The following ROCK1 variants were observed in gnomAD, a reference collection of about 807,000 sequenced individuals.
ROCK1 encodes Rho associated coiled-coil containing protein kinase 1.
ROCK1 carries 36 observed loss-of-function variants against 196.8 expected under a neutral mutation model. That is an observed-to-expected ratio of 0.18 (90% CI 0.14 to 0.24). The LOEUF (loss-of-function observed/expected upper bound fraction) is 0.24, where lower values mean the gene tolerates loss of function less well. Ranked by LOEUF, ROCK1 falls within the 10% of genes least tolerant of loss-of-function variation. The pLI, the probability that ROCK1 is intolerant of heterozygous loss-of-function variation, is 1.00. For missense variants in ROCK1, 920 were observed against 1,562.0 expected, an observed-to-expected ratio of 0.59 and a Z score of 6.93; for synonymous variants, 443 against 515.9, an observed-to-expected ratio of 0.86 and a Z score of 1.91.
At chr18:20,973,489 G>C (rs1441568273) in intron 22 of ROCK1, among the ~76,000 whole-genome samples, 1 of 151,470 alleles carries the variant, frequency 6.6e-6, no homozygotes, top group Non-Finnish European at 1.5e-5. Flanking sequence ...TGTTAGCCAG[G>C]CTGGTAGCGA....
At chr18:21,038,531 A>ACC (rs1161442142) in intron 9 of ROCK1, among the ~76,000 whole-genome samples, 1 of 152,176 alleles carries the variant, frequency 6.6e-6, no homozygotes, top group African/African-American at 2.4e-5. Context: ...ATATTAGCAA[A>ACC]CCTACATGAT....
At chr18:20,980,098 C>A in intron 21 of ROCK1, 94 bp from the exon 22 acceptor site, 1 of 1,337,314 alleles carries the variant, frequency 7.5e-7, no homozygotes, top group Non-Finnish European at 9.8e-7. Context: ...ACATATGATC[C>A]AACAATTCCA....
chr18:21,105,774 T>C (rs1416837784), intron 1 of ROCK1, among the ~76,000 whole-genome samples: 1 of 152,158 alleles, frequency 6.6e-6, no homozygotes, highest in African/African-American at 2.4e-5. Context: ...GTCAGATATT[T>C]AAGGTTTGAA....
intron 10 of ROCK1, among the ~76,000 whole-genome samples, chr18:21,027,446 T>C (rs1292584838): frequency 2.6e-5 from 4 of 152,208 alleles, no homozygotes; most frequent in Non-Finnish European, 1.5e-5. Context: ...ATGTTAAATG[T>C]TTAACTTAAA....
At chr18:21,092,156 A>G (rs1338794094) in intron 1 of ROCK1, among the ~76,000 whole-genome samples, 1 of 152,194 alleles carries the variant, frequency 6.6e-6, no homozygotes, top group Non-Finnish European at 1.5e-5. Flanking sequence ...ATTACTAAAC[A>G]GCCAATCCCT....
intron 1 of ROCK1, among the ~76,000 whole-genome samples, chr18:21,105,099 G>T (rs774930436): frequency 1.3e-5 from 2 of 152,082 alleles, no homozygotes; most frequent in Non-Finnish European, 2.9e-5. Flanking sequence ...AATACCAAAT[G>T]CTATGATAGT....
intron 18 of ROCK1, among the ~76,000 whole-genome samples, chr18:20,990,693 CAAAAA>C (rs1170099682): frequency 4.4e-5 from 1 of 22,584 alleles, no homozygotes; most frequent in Non-Finnish European, 1.2e-4. Flanking sequence ...AACTTCGTCT[CAAAAA>C]AAAAAAAAAA....
chr18:20,960,411 T>C (rs2035315955), intron 27 of ROCK1, among the ~76,000 whole-genome samples: 3 of 152,110 alleles, frequency 2.0e-5, no homozygotes, highest in African/African-American at 7.2e-5. Flanking sequence ...AAGCCACTTT[T>C]CCCATACAAT....
intron 12 of ROCK1, among the ~76,000 whole-genome samples, chr18:21,017,185 T>TC (rs2035870200): frequency 7.0e-6 from 1 of 142,630 alleles, no homozygotes; most frequent in Non-Finnish European, 1.5e-5. Context: ...ATACCACACT[T>TC]CTTTTTTTTT....
intron 19 of ROCK1, among the ~76,000 whole-genome samples, chr18:20,985,269 A>G (rs980259243): frequency 6.6e-6 from 1 of 152,184 alleles, no homozygotes; most frequent in African/African-American, 2.4e-5. Context: ...GGACCAATGA[A>G]CTCAAAATTC....
At chr18:21,023,978 G>A (rs2035936070) in intron 10 of ROCK1, among the ~76,000 whole-genome samples, 1 of 152,140 alleles carries the variant, frequency 6.6e-6, no homozygotes, top group South Asian at 2.1e-4. Context: ...ATAGTCTCAA[G>A]TTAGTTCAGA....
chr18:20,978,523 A>G (rs2035501244), intron 22 of ROCK1, among the ~76,000 whole-genome samples: 1 of 152,212 alleles, frequency 6.6e-6, no homozygotes, highest in African/African-American at 2.4e-5. Context: ...CATCTGAGGA[A>G]CTAAGTTTTA....
chr18:21,004,481 G>C (rs1224422824), intron 16 of ROCK1, among the ~76,000 whole-genome samples: 1 of 152,120 alleles, frequency 6.6e-6, no homozygotes, highest in Non-Finnish European at 1.5e-5. Flanking sequence ...TCACGTTTAA[G>C]TTCCAAATTA....
At chr18:21,099,352 C>A (rs1209039640) in intron 1 of ROCK1, among the ~76,000 whole-genome samples, 4 of 151,482 alleles carry the variant, frequency 2.6e-5, no homozygotes, top group Non-Finnish European at 4.4e-5. Flanking sequence ...ACTGAAATGT[C>A]AAATCAAAAA....
intron 2 of ROCK1, among the ~76,000 whole-genome samples, chr18:21,054,027 T>G (rs1485711582): frequency 6.6e-6 from 1 of 152,190 alleles, no homozygotes; most frequent in Non-Finnish European, 1.5e-5. Context: ...GAGCATCACA[T>G]ATGGTCGCTG....
chr18:21,099,343 C>A (rs1290382639), intron 1 of ROCK1, among the ~76,000 whole-genome samples: 1 of 151,928 alleles, frequency 6.6e-6, no homozygotes, highest in Non-Finnish European at 1.5e-5. Context: ...AGAATAAACA[C>A]TGAAATGTCA....
chr18:21,024,556 T>G (rs1186978434), intron 10 of ROCK1, among the ~76,000 whole-genome samples: 1 of 152,158 alleles, frequency 6.6e-6, no homozygotes, highest in African/African-American at 2.4e-5. Flanking sequence ...CAAAAGGAGA[T>G]CAAATAGTTA....
Position 21,059,105 on chromosome 18 carries a change from T to A in ROCK1, c.176-9225A>T, listed in dbSNP as rs2036267850. 2.6e-5 allele frequency among the ~76,000 whole-genome samples: 4 copies of A among 152,296 alleles called. No homozygotes were observed. In the South Asian group the frequency reaches 8.3e-4, roughly 32 times the overall value. ...TGGCAAAAAAATATATATATATCAT[T>A]AGTGACTGTCCAGTCTTATAGTTCT... On this transcript the variant is annotated intron_variant, in intron 2 of 32. Transcript: ENST00000399799.
At chr18:21,092,899 CTTAAG>C (rs907481261) in intron 1 of ROCK1, among the ~76,000 whole-genome samples, 16 of 152,076 alleles carry the variant, frequency 1.1e-4, no homozygotes, top group African/African-American at 3.6e-4. Context: ...AGTTGGTGGT[CTTAAG>C]TTGAGGTTTG....
Sources: allele counts gnomAD v4.1 joint callset (sites outside exome capture counted in the v4.1 genomes callset), GRCh38; gene constraint gnomAD v4.1.1; transcripts MANE v1.5; gene names NCBI Gene and HGNC (gene_info 2026-07-23, HGNC 2026-07-21).